The following MAP4K5 variants were observed in gnomAD, a reference collection of about 807,000 sequenced individuals.
MAP4K5 encodes MAPK/ERK kinase kinase kinase 5.
In MAP4K5, 82 loss-of-function variants were observed where a neutral mutation model predicts 135.6. The ratio of observed to expected loss-of-function variants is 0.60; its 90% CI spans 0.51 to 0.73. The LOEUF (loss-of-function observed/expected upper bound fraction) is 0.73. MAP4K5 is among the 30% of genes least tolerant of loss of function. The pLI, the probability that MAP4K5 is intolerant of heterozygous loss-of-function variation, is 0.00. For missense variants in MAP4K5, 907 were observed against 1,010.9 expected (o/e 0.90, Z 1.39); for synonymous variants, 347 against 335.0 (o/e 1.04, Z -0.39).
At chr14:50,467,683 G>A (rs935407825) in intron 10 of MAP4K5, among the ~76,000 whole-genome samples, 6 of 152,022 alleles carry the variant, frequency 3.9e-5, no homozygotes, top group South Asian at 2.1e-4. Context: ...TCCCCTAAAC[G>A]GTGGAAGCAC....
At position 50,430,360 on chromosome 14, in the gene MAP4K5, G is replaced by C. The variant is rs200360546; in HGVS notation, c.2165-1100C>G. Among the ~76,000 whole-genome samples the C allele has an allele frequency of 4.6e-5, 7 of 152,210 alleles. No homozygotes were observed. The East Asian group carries it at 1.3e-3, about 29-fold the overall frequency. The stretch of plus-strand genomic sequence containing the variant: ...AAAGAAAAATTGCTAATTGGCCACT[G>C]TGATTTCTAATACAGAACTCTCTAG... On this transcript the variant is annotated intron_variant, in intron 28 of 32. Coordinates refer to ENST00000682126, the MANE Select transcript of MAP4K5 (RefSeq NM_006575.6).
chr14:50,485,705 G>C lies in MAP4K5; in HGVS notation c.258-63C>G, dbSNP rs2037349143. On this transcript the variant is annotated intron_variant, in intron 4 of 32. Transcript: ENST00000682126. ...ATTTTCAATCACTGAAATACTCTAA[G>C]GCTCTCACTCTTTAGCACACCAGGG... 4 of 1,008,988 alleles carry C rather than the reference G, an allele frequency of 4.0e-6. No homozygotes were observed. In the Middle Eastern group the frequency reaches 8.3e-4, roughly 208 times the overall value. 62.5% of individuals were successfully genotyped at this position (1,008,988 alleles called of 1,614,324 possible).
intron 9 of MAP4K5, among the ~76,000 whole-genome samples, chr14:50,474,330 C>G (rs1566664481): frequency 6.6e-6 from 1 of 150,956 alleles, no homozygotes; most frequent in East Asian, 1.9e-4. Context: ...GTCAATGATG[C>G]AGTGAGCTGT....
chr14:50,434,913 T>C, intron 27 of MAP4K5, 49 bp downstream of exon 27: 2 of 1,129,700 alleles, frequency 1.8e-6, no homozygotes, highest in Non-Finnish European at 2.6e-6. Context: ...GCTTCAGTTA[T>C]ACACTAGTGT....
chr14:50,528,205 A>G (rs1198631008), intron 2 of MAP4K5, among the ~76,000 whole-genome samples: 1 of 152,108 alleles, frequency 6.6e-6, no homozygotes, highest in East Asian at 1.9e-4. Flanking sequence ...CCATTTATCT[A>G]AAAGAATCTT....
chr14:50,429,124 G>T, intron 29 of MAP4K5, 68 bp downstream of exon 29: 1 of 873,944 alleles, frequency 1.1e-6, no homozygotes, highest in Non-Finnish European at 1.7e-6. Flanking sequence ...TTGAATTATG[G>T]TTTAACAGAA....
chr14:50,430,925 T>C (rs11157744), intron 28 of MAP4K5, among the ~76,000 whole-genome samples: 97,005 of 151,738 alleles, frequency 0.64, 31,507 homozygotes, highest in East Asian at 0.76. Context: ...GCATTCATAA[T>C]AACATATTCC....
chr14:50,425,798 A>G, intron 31 of MAP4K5, 109 bp downstream of exon 31: 1 of 651,462 alleles, frequency 1.5e-6, no homozygotes, highest in Non-Finnish European at 2.6e-6. Context: ...CATAGTATTA[A>G]AAGCACTAAA....
intron 1 of MAP4K5, among the ~76,000 whole-genome samples, chr14:50,543,000 A>G (rs1212963565): frequency 6.6e-6 from 1 of 152,194 alleles, no homozygotes; most frequent in East Asian, 1.9e-4. Context: ...AGTATTATGG[A>G]TGGATTCTTA....
At chr14:50,533,499 A>T (rs1021562562), upstream of MAP4K5, 4 of 152,154 alleles carry the variant, frequency 2.6e-5, no homozygotes, top group Admixed American at 1.3e-4. Flanking sequence ...GAGTTCGGGG[A>T]AGTAATTTGG....
intron 1 of MAP4K5, among the ~76,000 whole-genome samples, chr14:50,551,675 C>T (rs1180251062): frequency 6.6e-6 from 1 of 152,086 alleles, no homozygotes; most frequent in Non-Finnish European, 1.5e-5. Context: ...AGATAATATA[C>T]ATGATGAAGT....
chr14:50,436,735 A>G (rs1374887259), intron 26 of MAP4K5, among the ~76,000 whole-genome samples: 2 of 152,104 alleles, frequency 1.3e-5, no homozygotes, highest in Admixed American at 6.6e-5. Flanking sequence ...GTGGTTGGCA[A>G]TGGTTGTGTG....
chr14:50,517,411 C>G (rs1315694040), intron 2 of MAP4K5, among the ~76,000 whole-genome samples: 2 of 151,804 alleles, frequency 1.3e-5, no homozygotes, highest in South Asian at 2.1e-4. Flanking sequence ...CTCGGCCTCC[C>G]AAAGTGCTGG....
At chr14:50,527,217 T>C (rs2038285938) in intron 2 of MAP4K5, among the ~76,000 whole-genome samples, 1 of 152,126 alleles carries the variant, frequency 6.6e-6, no homozygotes, top group Non-Finnish European at 1.5e-5. Flanking sequence ...CACATGCCTG[T>C]AATCCCAGCT....
chr14:50,444,687 G>T (rs2036302955), intron 18 of MAP4K5, among the ~76,000 whole-genome samples: 1 of 152,114 alleles, frequency 6.6e-6, no homozygotes, highest in Non-Finnish European at 1.5e-5. Flanking sequence ...TATTTCAGAA[G>T]ACACATACAT....
At chr14:50,558,905 G>C (rs2038798244) in intron 1 of MAP4K5, among the ~76,000 whole-genome samples, 1 of 151,798 alleles carries the variant, frequency 6.6e-6, no homozygotes, top group African/African-American at 2.4e-5. Flanking sequence ...CTTGGTTACA[G>C]TGTTCACGAC....
chr14:50,520,449 CG>C (rs1482862767), intron 2 of MAP4K5, among the ~76,000 whole-genome samples: 1 of 152,038 alleles, frequency 6.6e-6, no homozygotes, highest in Admixed American at 6.6e-5. Context: ...AGTAGTGAGC[CG>C]AGATCATGGC....
In MAP4K5 at chr14:50,523,109, C is replaced by T. The variant is rs1446401961; in HGVS notation, c.108+8833G>A. Among the ~76,000 whole-genome samples the T allele has an allele frequency of 5.3e-5, 8 of 152,044 alleles. No individual in the cohort carries two copies. The East Asian group carries it at 9.7e-4, about 18-fold the overall frequency. On this transcript the variant is annotated intron_variant, in intron 2 of 32. Transcript: ENST00000682126. ...GGTGGATCACCTGAGGTCGGGAGTT[C>T]GAGACCAGCCTGACCAACATGGAGA...
chr14:50,426,761 C>A (rs1338119659), intron 30 of MAP4K5, among the ~76,000 whole-genome samples: 1 of 152,082 alleles, frequency 6.6e-6, no homozygotes, highest in Non-Finnish European at 1.5e-5. Context: ...ATAAAATAAA[C>A]CTGCCCCACA....
Sources: allele counts gnomAD v4.1 joint callset (sites outside exome capture counted in the v4.1 genomes callset), GRCh38; gene constraint gnomAD v4.1.1; transcripts MANE v1.5; gene names NCBI Gene and HGNC (gene_info 2026-07-23, HGNC 2026-07-21).